MCF2L: variants seen among roughly 807,000 people sequenced by gnomAD.
MCF2L encodes MCF.2 cell line derived transforming sequence like, also known as guanine nucleotide exchange factor DBS.
Under a neutral mutation model 153.4 loss-of-function variants are expected in MCF2L, and 97 were observed. The ratio of observed to expected loss-of-function variants is 0.63; its 90% CI spans 0.54 to 0.75. The LOEUF (loss-of-function observed/expected upper bound fraction) is 0.75. MCF2L is among the 30% of genes least tolerant of loss of function. The pLI is 0.00. For synonymous variants in MCF2L, 659 were observed against 632.2 expected (o/e 1.04, Z -0.64); for missense variants, 1,347 against 1,495.2 (o/e 0.90, Z 1.64).
chr13:112,903,010 T>C (rs2081134834), intron 2 of MCF2L, among the ~76,000 whole-genome samples: 1 of 152,234 alleles, frequency 6.6e-6, no homozygotes, highest in Non-Finnish European at 1.5e-5. Flanking sequence ...GAGTTCTCTG[T>C]TCCTAGTTTT....
chr13:112,902,376 G>A (rs1389291076), intron 2 of MCF2L: 18 of 1,610,982 alleles, frequency 1.1e-5, no homozygotes, highest in Non-Finnish European at 1.4e-5. Flanking sequence ...CCACAGGTAG[G>A]CGCCTGGTGC....
At chr13:113,057,720 G>A (rs2030411621) in intron 4 of MCF2L, among the ~76,000 whole-genome samples, 2 of 143,514 alleles carry the variant, frequency 1.4e-5, no homozygotes, top group African/African-American at 5.2e-5. Context: ...TTTTGGCACT[G>A]TTTGGGTGCT....
intron 1 of MCF2L, among the ~76,000 whole-genome samples, chr13:112,895,954 G>A (rs112963353): frequency 3.7e-4 from 56 of 152,308 alleles, no homozygotes; most frequent in African/African-American, 7.5e-4. Context: ...CCCCCCACAC[G>A]TCTGTGAAAT....
At chr13:112,950,743 A>G (rs2081683991) in intron 2 of MCF2L, among the ~76,000 whole-genome samples, 1 of 150,868 alleles carries the variant, frequency 6.6e-6, no homozygotes, top group Non-Finnish European at 1.5e-5. Flanking sequence ...ACAATGAACT[A>G]CAAATTTAAA....
rs6145252 is a variant in MCF2L, at chr13:113,040,412, CTG to C, written c.279-4835_279-4834del. 581 of 140,240 alleles carry C rather than the reference CTG, an allele frequency of 4.1e-3. 1 individual carries two copies. The highest frequency in any genetic ancestry group is 0.011 in the South Asian group (46 of 4,278). 8.7% of individuals were successfully genotyped at this position (140,240 alleles called of 1,614,324 possible). ...GTCGCACTGTGCAGGGAGGGCCTTCCTGTGTGTGTGTGTGTGTGTGTGTGTTT... is the reference window on the plus strand; with the variant it reads ...GTCGCACTGTGCAGGGAGGGCCTTCCTGTGTGTGTGTGTGTGTGTGTGTTT... On this transcript the variant is annotated intron_variant, in intron 3 of 29. Coordinates refer to ENST00000535094, the MANE Select transcript of MCF2L (RefSeq NM_001112732.3).
chr13:112,897,443 AG>A (rs1477278484), intron 1 of MCF2L, among the ~76,000 whole-genome samples: 1 of 152,150 alleles, frequency 6.6e-6, no homozygotes, highest in African/African-American at 2.4e-5. Flanking sequence ...GAGCCCTGAA[AG>A]GTCGTCCCCA....
At chr13:113,052,375 C>A (rs2141628734) in intron 4 of MCF2L, 1 of 153,324 alleles carries the variant, frequency 6.5e-6, no homozygotes, top group East Asian at 1.9e-4. Context: ...ACGCCGGCTT[C>A]CCTGACTGAT....
At chr13:113,044,996 T>C (rs1050409189) in intron 3 of MCF2L, 8 of 1,418,200 alleles carry the variant, frequency 5.6e-6, no homozygotes, top group Non-Finnish European at 7.7e-6. Flanking sequence ...TCGGGAGAGA[T>C]GGTTCTGCCT....
chr13:113,080,406 G>A (rs1360763632), intron 15 of MCF2L, among the ~76,000 whole-genome samples: 1 of 152,148 alleles, frequency 6.6e-6, no homozygotes. Flanking sequence ...TTGTGAGAGG[G>A]AGTCCAGAGC....
At chr13:113,094,432 G>T in intron 26 of MCF2L, 82 bp from the exon 27 acceptor site, 1 of 1,455,584 alleles carries the variant, frequency 6.9e-7, no homozygotes, top group Non-Finnish European at 9.2e-7. Context: ...GGGGTCTGTG[G>T]GACTTAGCTG....
chr13:113,096,695 G>A (rs1480776424), intron 29 of MCF2L, 42 bp downstream of exon 29: 2 of 1,557,716 alleles, frequency 1.3e-6, no homozygotes, highest in South Asian at 1.2e-5. Context: ...ACGCTGCCAA[G>A]GGCCCGGGCG....
At chr13:113,052,986 C>T (rs2087465463) in intron 4 of MCF2L, among the ~76,000 whole-genome samples, 1 of 152,110 alleles carries the variant, frequency 6.6e-6, no homozygotes, top group African/African-American at 2.4e-5. Context: ...ACACACATCA[C>T]ACACAAACAC....
chr13:113,072,479 A>T (rs1007235054), intron 9 of MCF2L, among the ~76,000 whole-genome samples: 1 of 152,216 alleles, frequency 6.6e-6, no homozygotes, highest in Non-Finnish European at 1.5e-5. Flanking sequence ...TGTTAGTTGT[A>T]GGATTCTTGT....
intron 26 of MCF2L, chr13:113,091,154 G>T (rs1031292967): frequency 7.7e-7 from 1 of 1,301,156 alleles, no homozygotes; most frequent in Admixed American, 2.3e-5. Context: ...AAAGCCAAGC[G>T]GCATGAAGTA....
chr13:113,065,123 C>T, intron 7 of MCF2L, 38 bp downstream of exon 7: 2 of 1,593,344 alleles, frequency 1.3e-6, no homozygotes, highest in Non-Finnish European at 1.7e-6. Context: ...CTGTGGGGGG[C>T]TCCGGTCAGT....
intron 1 of MCF2L, among the ~76,000 whole-genome samples, chr13:112,894,761 C>T (rs1349672125): frequency 6.6e-6 from 1 of 152,148 alleles, no homozygotes; most frequent in African/African-American, 2.4e-5. Flanking sequence ...AGGTGTCACC[C>T]CCTGGACGGG....
At chr13:112,913,286 G>A (rs2081255323) in intron 2 of MCF2L, among the ~76,000 whole-genome samples, 1 of 151,610 alleles carries the variant, frequency 6.6e-6, no homozygotes, top group African/African-American at 2.4e-5. Flanking sequence ...GGGTGTGTCT[G>A]TGTGTGATTG....
At chr13:113,087,633 G>A in intron 22 of MCF2L, 74 bp from the exon 23 acceptor site, 1 of 1,335,842 alleles carries the variant, frequency 7.5e-7, no homozygotes, top group Non-Finnish European at 1.1e-6. Flanking sequence ...TTTCGTGCCT[G>A]CACCAACACC....
At chr13:112,986,367 C>T (rs1232843081) in intron 1 of MCF2L, among the ~76,000 whole-genome samples, 1 of 152,212 alleles carries the variant, frequency 6.6e-6, no homozygotes, top group Non-Finnish European at 1.5e-5. Flanking sequence ...CAGGAAGTCA[C>T]GGAGAGAAAT....
Sources: gnomAD v4.1 joint callset for allele counts (sites outside exome capture counted in the v4.1 genomes callset) on GRCh38, gnomAD v4.1.1 for gene constraint, MANE v1.5 for transcripts, NCBI Gene and HGNC (gene_info 2026-07-23, HGNC 2026-07-21) for gene names.